DNAJC25: variants seen among roughly 807,000 people sequenced by gnomAD.
DNAJC25 encodes the protein dnaJ homolog subfamily C member 25.
A neutral mutation model predicts 42.1 loss-of-function variants in DNAJC25; 26 were observed. That is an observed-to-expected ratio of 0.62 (90% confidence interval 0.45 to 0.86). The LOEUF (loss-of-function observed/expected upper bound fraction) is 0.86, where lower values mean the gene tolerates loss of function less well. Ranked by LOEUF, DNAJC25 falls within the 40% of genes least tolerant of loss-of-function variation. DNAJC25 has a pLI of 0.00. For synonymous variants in DNAJC25, 189 were observed against 179.9 expected, an observed-to-expected ratio of 1.05 and a Z score of -0.40; for missense variants, 404 against 459.4, an observed-to-expected ratio of 0.88 and a Z score of 1.10.
chr9:111,631,369 A>G lies in DNAJC25; in HGVS notation c.-39A>G. The G allele has an allele frequency of 4.7e-6, 6 of 1,272,466 alleles. No homozygotes were observed. Among genetic ancestry groups the G allele is most frequent in the South Asian group, 3.0e-5 (1 of 33,438 alleles). 78.8% of individuals were successfully genotyped at this position (1,272,466 alleles called of 1,614,324 possible). On this transcript the variant is annotated 5_prime_UTR_variant, in exon 1 of 4. Transcript: ENST00000313525. ...AGCCGGGCGCGCGGCTGAGTGCTGC[A>G]GAATCGCTGGGGTGGCAGAGCCGCC...
In DNAJC25 at chr9:111,649,782, A is replaced by T; in HGVS notation, c.819A>T (p.Lys273Asn). 1 of 1,614,096 alleles carries T rather than the reference A, an allele frequency of 6.2e-7. No homozygotes were observed. The highest frequency in any genetic ancestry group is 8.5e-7 in the Non-Finnish European group (1 of 1,180,004). Residue 273 changes from lysine to asparagine, a missense_variant, in exon 3 of 4, where the codon AAA (lysine) becomes AAT (asparagine). By Grantham distance (94) the Lys-to-Asn change is moderately conservative (BLOSUM62 0). Transcript: ENST00000313525. Reference protein sequence around the residue: ...YCRWIYNFNIKGKEYGEEERL... With the variant: ...YCRWIYNFNINGKEYGEEERL... ...GGTGGATCTATAATTTTAACATCAAAGGCAAAGAATATGGAGAGGAAGAGA... is the reference window on the plus strand; with the variant it reads ...GGTGGATCTATAATTTTAACATCAATGGCAAAGAATATGGAGAGGAAGAGA...
At chr9:111,645,255 A>T (rs1364438677) in intron 1 of DNAJC25, among the ~76,000 whole-genome samples, 1 of 144,082 alleles carries the variant, frequency 6.9e-6, no homozygotes, top group Non-Finnish European at 1.5e-5. Flanking sequence ...CAGATTCAAA[A>T]TTTTTTTTTT....
In DNAJC25 at chr9:111,653,276, C is replaced by T; in HGVS notation, c.*54C>T. 2.1e-6 allele frequency: 3 copies of T among 1,417,316 alleles called. No individual in the cohort carries two copies. The highest frequency in any genetic ancestry group is 2.6e-5 in the East Asian group (1 of 38,836). The allele number at this position is 1,417,316 out of a possible 1,614,324, so 87.8% of individuals were successfully genotyped here. ...CTTAATTGTGATATTATTTTCATAA[C>T]TGAATTATTTTAGAAATGTATCAAT... is the stretch of plus-strand genomic sequence containing the variant. On this transcript the variant is annotated 3_prime_UTR_variant, in exon 4 of 4. Coordinates refer to ENST00000313525, the MANE Select transcript of DNAJC25 (RefSeq NM_001015882.3).
At chr9:111,652,347 TAA>T (rs113688554) in intron 3 of DNAJC25, among the ~76,000 whole-genome samples, 1 of 143,106 alleles carries the variant, frequency 7.0e-6, no homozygotes, top group African/African-American at 2.5e-5. Flanking sequence ...CCATCTGTCC[TAA>T]AAAAAAAAAT....
chr9:111,649,124 A>T (rs1830609713), intron 2 of DNAJC25, among the ~76,000 whole-genome samples: 1 of 152,226 alleles, frequency 6.6e-6, no homozygotes, highest in Non-Finnish European at 1.5e-5. Flanking sequence ...AAAATTTTTT[A>T]AAGTGATCTA....
At chr9:111,642,547 A>T (rs1408469783) in intron 1 of DNAJC25, among the ~76,000 whole-genome samples, 2 of 146,974 alleles carry the variant, frequency 1.4e-5, no homozygotes, top group African/African-American at 5.0e-5. Context: ...CCTTCCCTCC[A>T]CTATTGTCCC....
At chr9:111,647,824 G>A (rs1365712118) in intron 2 of DNAJC25, among the ~76,000 whole-genome samples, 1 of 152,232 alleles carries the variant, frequency 6.6e-6, no homozygotes, top group Non-Finnish European at 1.5e-5. Flanking sequence ...CTGTTGCCAG[G>A]CTGGAGTGCA....
chr9:111,649,169 G>A (rs532433582), intron 2 of DNAJC25, among the ~76,000 whole-genome samples: 2 of 152,232 alleles, frequency 1.3e-5, no homozygotes, highest in South Asian at 4.2e-4. Context: ...CGAACCACAG[G>A]TGTGGTATGA....
chr9:111,631,518 G>C lies in DNAJC25; in HGVS notation c.111G>C (p.Gly37=). 1 of 1,335,318 alleles carries C rather than the reference G, an allele frequency of 7.5e-7. No individual in the cohort carries two copies. Among genetic ancestry groups the C allele is most frequent in the Non-Finnish European group, 9.5e-7 (1 of 1,049,232 alleles). The allele number at this position is 1,335,318 out of a possible 1,614,324, so 82.7% of individuals were successfully genotyped here. The part of the protein sequence containing the change: ...LPALLLVRPA[G]ALVEGLYCGT... ...CGCTGCTGCTGGTGCGGCCCGCGGGGGCCCTGGTGGAGGGGCTCTACTGCG... is the reference window on the plus strand; with the variant it reads ...CGCTGCTGCTGGTGCGGCCCGCGGGCGCCCTGGTGGAGGGGCTCTACTGCG... Residue 37 remains glycine, a synonymous_variant, in exon 1 of 4, where the codon GGG becomes GGC. Transcript: ENST00000313525.
At chr9:111,653,007 A>G (rs1564088385) in intron 3 of DNAJC25, 93 bp from the exon 4 acceptor site, 15 of 1,332,256 alleles carry the variant, frequency 1.1e-5, no homozygotes, top group Non-Finnish European at 1.9e-6. Context: ...CTTTTTACCT[A>G]ACATTATGTT....
At chr9:111,633,876 A>T (rs1830324894) in intron 1 of DNAJC25, among the ~76,000 whole-genome samples, 2 of 152,220 alleles carry the variant, frequency 1.3e-5, no homozygotes, top group African/African-American at 2.4e-5. Context: ...AAAATAAGTG[A>T]TCCACTCAAG....
At chr9:111,647,042 CAG>C in intron 1 of DNAJC25, 63 bp from the exon 2 acceptor site, 4 of 1,462,924 alleles carry the variant, frequency 2.7e-6, no homozygotes, top group Non-Finnish European at 3.6e-6. Context: ...TGTGATTTAA[CAG>C]ATTATAAACT....
At chr9:111,645,667 G>A (rs1301186846) in intron 1 of DNAJC25, among the ~76,000 whole-genome samples, 1 of 152,202 alleles carries the variant, frequency 6.6e-6, no homozygotes, top group Non-Finnish European at 1.5e-5. Context: ...GACTCAGAAG[G>A]TGATCCTAAA....
Position 111,647,772 on chromosome 9 carries a change from G to A in DNAJC25, c.489+513G>A, listed in dbSNP as rs530948250. On this transcript the variant is annotated intron_variant, in intron 2 of 3. Transcript: ENST00000313525. ...CTGAAATAGATTAAAAGAGGCATAGGAACTTTCTGTTTTTGTTTTTGTTTT... is the reference window on the plus strand; with the variant it reads ...CTGAAATAGATTAAAAGAGGCATAGAAACTTTCTGTTTTTGTTTTTGTTTT... Among the ~76,000 whole-genome samples, 62 of 152,272 alleles carry A rather than the reference G, an allele frequency of 4.1e-4. No individual in the cohort carries two copies. The South Asian group carries it at 5.8e-3, about 14-fold the overall frequency.
At chr9:111,637,360 C>G (rs1367745228) in intron 1 of DNAJC25, among the ~76,000 whole-genome samples, 1 of 152,116 alleles carries the variant, frequency 6.6e-6, no homozygotes, top group Non-Finnish European at 1.5e-5. Context: ...ATGACACAAT[C>G]TTACGTTTGT....
chr9:111,636,027 TGAC>T (rs1433258430), intron 1 of DNAJC25, among the ~76,000 whole-genome samples: 2 of 152,246 alleles, frequency 1.3e-5, no homozygotes, highest in African/African-American at 4.8e-5. Flanking sequence ...ACACAGTTTC[TGAC>T]TTAAAGTTTT....
chr9:111,646,692 G>A (rs1830572389), intron 1 of DNAJC25, among the ~76,000 whole-genome samples: 1 of 152,064 alleles, frequency 6.6e-6, no homozygotes, highest in Non-Finnish European at 1.5e-5. Flanking sequence ...CCTAGTTTTT[G>A]CTTTTAGCAG....
chr9:111,646,271 A>G (rs1331084908), intron 1 of DNAJC25, among the ~76,000 whole-genome samples: 3 of 152,216 alleles, frequency 2.0e-5, no homozygotes, highest in South Asian at 4.1e-4. Flanking sequence ...GCTCAGTACA[A>G]CATTGCATTT....
chr9:111,641,514 G>A (rs1355596667), intron 1 of DNAJC25, among the ~76,000 whole-genome samples: 2 of 78,152 alleles, frequency 2.6e-5, no homozygotes, highest in East Asian at 5.8e-4. Context: ...CAGCCGCCCG[G>A]TCCGGGAGGG....
Sources: gnomAD v4.1 joint callset for allele counts (sites outside exome capture counted in the v4.1 genomes callset) on GRCh38, gnomAD v4.1.1 for gene constraint, MANE v1.5 for transcripts, NCBI Gene and HGNC (gene_info 2026-07-23, HGNC 2026-07-21) for gene names.